Variants in PARG observed in about 807,000 individuals in gnomAD.
The protein encoded by PARG is poly(ADP-ribose) glycohydrolase.
A neutral mutation model predicts 113.0 loss-of-function variants in PARG; 35 were observed. The ratio of observed to expected loss-of-function variants is 0.31; its 90% CI spans 0.24 to 0.41. PARG has a LOEUF of 0.41. Among genes scored for constraint, PARG ranks in the 10% least tolerant of loss-of-function variants. The pLI is 1.00. For missense variants in PARG, 797 were observed against 1,169.4 expected (o/e 0.68, Z 4.64); for synonymous variants, 330 against 409.9 (o/e 0.81, Z 2.36).
chr10:49,835,865 T>A (rs536233824), intron 15 of PARG, among the ~76,000 whole-genome samples: 10 of 152,276 alleles, frequency 6.6e-5, no homozygotes, highest in African/African-American at 1.9e-4. Context: ...AACGTGACGA[T>A]GGTCCCATAA....
At chr10:49,885,523 T>C (rs1425592933) in intron 7 of PARG, among the ~76,000 whole-genome samples, 1 of 152,158 alleles carries the variant, frequency 6.6e-6, no homozygotes, top group African/African-American at 2.4e-5. Flanking sequence ...CAATTCACCT[T>C]AATGCCCTCT....
chr10:49,922,757 A>G lies in PARG; in HGVS notation c.1456-88T>C, dbSNP rs540120123. 9.0e-4 allele frequency: 711 copies of G among 790,650 alleles called. 1 individual carries two copies. Among genetic ancestry groups the G allele is most frequent in the Non-Finnish European group, 7.1e-4 (357 of 504,370 alleles). 49.0% of individuals were successfully genotyped at this position (790,650 alleles called of 1,614,324 possible). On this transcript the variant is annotated intron_variant, in intron 4 of 17. Transcript: ENST00000616448. ...ATCCTAAGTAACCAAAGCAAATGCTATAAAATAGAGACCAGCTCCCAGGCA... is the reference window on the plus strand; with the variant it reads ...ATCCTAAGTAACCAAAGCAAATGCTGTAAAATAGAGACCAGCTCCCAGGCA...
At chr10:49,859,887 C>T (rs1165645956) in intron 12 of PARG, among the ~76,000 whole-genome samples, 1 of 152,080 alleles carries the variant, frequency 6.6e-6, no homozygotes, top group Non-Finnish European at 1.5e-5. Context: ...GAAACCTGTT[C>T]CAGTACATGA....
At chr10:49,841,240 C>T (rs1023041494) in intron 15 of PARG, among the ~76,000 whole-genome samples, 3 of 150,286 alleles carry the variant, frequency 2.0e-5, no homozygotes, top group Admixed American at 6.6e-5. Flanking sequence ...GCCACAAAAG[C>T]GAAACTCCAT....
chr10:49,926,656 T>C (rs1215019307), intron 4 of PARG, among the ~76,000 whole-genome samples: 1 of 152,208 alleles, frequency 6.6e-6, no homozygotes, highest in Non-Finnish European at 1.5e-5. Context: ...TGATCCCAAG[T>C]TTCTAGGCAA....
intron 7 of PARG, among the ~76,000 whole-genome samples, chr10:49,892,959 A>G (rs1283959413): frequency 1.3e-5 from 2 of 152,150 alleles, no homozygotes; most frequent in Non-Finnish European, 2.9e-5. Context: ...ATACATCCAC[A>G]ATTTGTTTAT....
At chr10:49,858,817 CAT>C (rs573984186) in intron 12 of PARG, among the ~76,000 whole-genome samples, 63 of 151,536 alleles carry the variant, frequency 4.2e-4, no homozygotes, top group African/African-American at 1.4e-3. Flanking sequence ...CTACCTACTA[CAT>C]ATGAGGTCTA....
chr10:49,891,227 T>C (rs1261848088), intron 7 of PARG, among the ~76,000 whole-genome samples: 2 of 152,138 alleles, frequency 1.3e-5, no homozygotes, highest in Non-Finnish European at 2.9e-5. Flanking sequence ...AGCAGGAGAA[T>C]TGCCTGAACC....
chr10:49,869,623 T>A (rs1446374056), intron 9 of PARG, 68 bp from the exon 10 acceptor site: 13 of 675,784 alleles, frequency 1.9e-5, no homozygotes, highest in Non-Finnish European at 3.5e-5. Flanking sequence ...CAAAACTACA[T>A]CCATATTGCT....
intron 7 of PARG, among the ~76,000 whole-genome samples, chr10:49,912,340 C>A (rs115759067): frequency 3.9e-5 from 6 of 151,962 alleles, no homozygotes; most frequent in Non-Finnish European, 8.8e-5. Flanking sequence ...GAAAATATTG[C>A]GAAACCCTGC....
chr10:49,823,018 C>T (rs553335724), intron 16 of PARG, among the ~76,000 whole-genome samples: 3 of 152,092 alleles, frequency 2.0e-5, no homozygotes, highest in South Asian at 2.1e-4. Flanking sequence ...GGGAAAAAGG[C>T]TAGAAAGGGC....
rs1554848870 is a variant in PARG at position 49,920,460 on chromosome 10, A to AT, written c.1662+1875_1662+1876insA. 5.4e-3 allele frequency among the ~76,000 whole-genome samples: 288 copies of AT among 53,302 alleles called. 2 individuals are homozygous for AT. The highest frequency in any genetic ancestry group is 0.024 in the South Asian group (38 of 1,606). The allele number at this position is 53,302 out of a possible 152,430, so 35.0% of individuals were successfully genotyped here. A position where few individuals can be genotyped will look rare whatever the true frequency, so the allele number is the denominator to read the frequency against. On this transcript the variant is annotated intron_variant, in intron 6 of 17. Transcript: ENST00000616448. ...AGACCCAGCCTCAAATTAAAAAAAA[A>AT]AAAATATATATATATATATATATAT... is the stretch of plus-strand genomic sequence containing the variant.
At chr10:49,878,961 G>A (rs1662440837) in intron 9 of PARG, among the ~76,000 whole-genome samples, 1 of 152,132 alleles carries the variant, frequency 6.6e-6, no homozygotes, top group East Asian at 1.9e-4. Context: ...GAGTAGGAGG[G>A]AAGAAAAAAC....
rs2132968255 is a variant in PARG at position 49,932,143 on chromosome 10, A to G, written c.1412T>C (p.Leu471Pro). ...ATTGGCAGATGGTCTCAAGAGAGGC[A>G]GCCGGATCCCACACCGAGGCATTCT... The part of the protein sequence containing the change: ...MRRMPRCGIR[L>P]PLLRPSANHT... The change falls in exon 4 of 18, where the codon CTG becomes CCG. Residue 471 changes from leucine to proline, a missense_variant. Leu to Pro is a moderately conservative substitution (Grantham distance 98). Around this residue, in one of 5 missense-constraint regions of PARG, gnomAD observed 252 missense variants for 437.4 expected, o/e 0.58. Transcript: ENST00000616448. 1 of 1,606,440 alleles carries G rather than the reference A, an allele frequency of 6.2e-7. No homozygotes were observed. The highest frequency in any genetic ancestry group is 1.7e-5 in the Admixed American group (1 of 60,006).
intron 4 of PARG, among the ~76,000 whole-genome samples, chr10:49,931,842 TGA>T (rs1157810825): frequency 6.6e-6 from 1 of 152,170 alleles, no homozygotes; most frequent in Non-Finnish European, 1.5e-5. Flanking sequence ...AAGAATCCAA[TGA>T]GGTTTCTTAA....
intron 4 of PARG, among the ~76,000 whole-genome samples, chr10:49,929,554 G>A (rs1554909444): frequency 6.6e-6 from 1 of 152,178 alleles, no homozygotes; most frequent in Non-Finnish European, 1.5e-5. Flanking sequence ...TTGGCTGGGC[G>A]CGGTGGCTCA....
In PARG at chr10:49,927,111, A is replaced by T. The variant is rs373758996; in HGVS notation, c.1456-4442T>A. On this transcript the variant is annotated intron_variant, in intron 4 of 17. Coordinates refer to ENST00000616448, the MANE Select transcript of PARG (RefSeq NM_003631.5). ...ATCACAAGGTTAAGAGATCAAGACC[A>T]TCCTGGCCAACATGGTGAAACCTCA... is the stretch of plus-strand genomic sequence containing the variant. Among the ~76,000 whole-genome samples, 1,066 of 151,750 alleles carry T rather than the reference A, an allele frequency of 7.0e-3. 1 individual carries two copies. The highest frequency in any genetic ancestry group is 0.013 in the East Asian group (66 of 5,094).
intron 7 of PARG, chr10:49,909,668 A>G: frequency 5.9e-6 from 1 of 168,604 alleles, no homozygotes; most frequent in South Asian, 1.5e-4. Flanking sequence ...TGGGGTCTCC[A>G]GAACCAAAGA....
intron 7 of PARG, among the ~76,000 whole-genome samples, chr10:49,894,542 T>G (rs1847981743): frequency 6.6e-6 from 1 of 152,210 alleles, no homozygotes; most frequent in Non-Finnish European, 1.5e-5. Flanking sequence ...TAGAATTATT[T>G]TCTATGTATA....
Sources: gnomAD v4.1 joint callset for allele counts (sites outside exome capture counted in the v4.1 genomes callset) on GRCh38, gnomAD v4.1.1 for gene constraint, gnomAD v4.1.1 regional missense constraint, MANE v1.5 for transcripts, NCBI Gene and HGNC (gene_info 2026-07-23, HGNC 2026-07-21) for gene names.